Variants in TBCK observed in about 807,000 individuals in gnomAD.
TBCK encodes the protein TBC domain-containing protein kinase-like protein.
A neutral mutation model predicts 113.4 loss-of-function variants in TBCK; 99 were observed. That is an observed-to-expected ratio of 0.87 (90% CI 0.74 to 1.03). The LOEUF is 1.03. Ranked by LOEUF, TBCK falls within the 50% of genes least tolerant of loss-of-function variation. The probability of loss-of-function intolerance (pLI) is 0.00; values close to 1 mark genes in which losing one functional copy is unlikely to be tolerated. For synonymous variants in TBCK, 369 were observed against 370.8 expected, an observed-to-expected ratio of 1.00 and a Z score of 0.05; for missense variants, 1,045 against 1,061.3, an observed-to-expected ratio of 0.98 and a Z score of 0.21.
chr4:106,221,210 C>G (rs1757638576), intron 19 of TBCK, among the ~76,000 whole-genome samples: 1 of 152,140 alleles, frequency 6.6e-6, no homozygotes, highest in African/African-American at 2.4e-5. Flanking sequence ...GTCTCGAACT[C>G]CTGACCTCAG....
At chr4:106,257,093 A>T (rs1204865311) in intron 5 of TBCK, among the ~76,000 whole-genome samples, 1 of 152,200 alleles carries the variant, frequency 6.6e-6, no homozygotes, top group Non-Finnish European at 1.5e-5. Flanking sequence ...CTTACAAACA[A>T]CAATTTAAGA....
chr4:106,215,656 G>C (rs1756797425), intron 19 of TBCK, among the ~76,000 whole-genome samples: 1 of 152,158 alleles, frequency 6.6e-6, no homozygotes, highest in African/African-American at 2.4e-5. Flanking sequence ...AATTCAACAA[G>C]AAGAGCTAAC....
At chr4:106,055,612 G>A (rs905823414) in intron 25 of TBCK, among the ~76,000 whole-genome samples, 1 of 150,482 alleles carries the variant, frequency 6.6e-6, no homozygotes, top group Admixed American at 6.6e-5. Context: ...ATGTCAAAAT[G>A]GTCTTTTCCT....
chr4:106,149,537 A>G (rs918191970), intron 23 of TBCK, among the ~76,000 whole-genome samples: 8 of 152,152 alleles, frequency 5.3e-5, no homozygotes, highest in African/African-American at 1.9e-4. Context: ...AAAATGGAGG[A>G]ATGGCTGGTT....
chr4:106,256,079 G>C (rs1008228681), intron 5 of TBCK, among the ~76,000 whole-genome samples: 2 of 152,190 alleles, frequency 1.3e-5, no homozygotes, highest in Non-Finnish European at 2.9e-5. Flanking sequence ...GCTGAGTCCA[G>C]GGTTTTTATG....
At chr4:106,111,625 A>G (rs1459019259) in intron 24 of TBCK, among the ~76,000 whole-genome samples, 3 of 152,170 alleles carry the variant, frequency 2.0e-5, no homozygotes, top group African/African-American at 7.2e-5. Context: ...TTTACAGATG[A>G]TATTTTACTA....
At chr4:106,277,017 A>G (rs2125767806) in intron 3 of TBCK, among the ~76,000 whole-genome samples, 1 of 152,334 alleles carries the variant, frequency 6.6e-6, no homozygotes, top group East Asian at 1.9e-4. Context: ...ATGAGAAACA[A>G]TCCACTTAAA....
At chr4:106,291,745 A>G (rs1224221192) in intron 3 of TBCK, among the ~76,000 whole-genome samples, 1 of 152,226 alleles carries the variant, frequency 6.6e-6, no homozygotes, top group East Asian at 1.9e-4. Context: ...GCCTGCTGCT[A>G]AAGACATCTG....
intron 19 of TBCK, among the ~76,000 whole-genome samples, chr4:106,219,674 C>T (rs899956655): frequency 4.0e-5 from 6 of 151,808 alleles, no homozygotes; most frequent in African/African-American, 1.4e-4. Context: ...AATTAAAAAA[C>T]CAAGATTAAT....
Position 106,267,176 on chromosome 4 carries a change from A to G in TBCK, c.267-4964T>C, listed in dbSNP as rs187157490. Among the ~76,000 whole-genome samples the G allele has an allele frequency of 5.0e-3, 763 of 152,046 alleles. 4 individuals carry two copies. Among genetic ancestry groups the G allele is most frequent in the African/African-American group, 0.018 (733 of 41,542 alleles). On this transcript the variant is annotated intron_variant, in intron 3 of 25. Transcript: ENST00000394708. Reference sequence around the variant, plus strand: ...ATTTTTCAGTAATTATTGTTACTTCAGGGCCTGGGTGGCTAGCGTTTACTT... The same window carrying G: ...ATTTTTCAGTAATTATTGTTACTTCGGGGCCTGGGTGGCTAGCGTTTACTT...
At chr4:106,114,831 G>T (rs17036581) in intron 24 of TBCK, among the ~76,000 whole-genome samples, 8,147 of 152,278 alleles carry the variant, frequency 0.054, 490 homozygotes, top group East Asian at 0.28. Flanking sequence ...AACTCCTGAA[G>T]TATAAGATCA....
intron 23 of TBCK, among the ~76,000 whole-genome samples, chr4:106,158,590 G>T (rs886742367): frequency 1.3e-5 from 2 of 151,984 alleles, no homozygotes; most frequent in Non-Finnish European, 2.9e-5. Context: ...AGCTTACCAA[G>T]ACTAAAATCA....
upstream of TBCK, chr4:106,316,356 C>T (rs1225146992): frequency 1.2e-5 from 7 of 580,248 alleles, no homozygotes; most frequent in East Asian, 3.0e-5. Flanking sequence ...TGCGGGGGGA[C>T]GGGGGGGGTC....
At chr4:106,089,817 G>A (rs1463584419) in intron 25 of TBCK, among the ~76,000 whole-genome samples, 1 of 152,244 alleles carries the variant, frequency 6.6e-6, no homozygotes, top group Non-Finnish European at 1.5e-5. Flanking sequence ...GGTGTGAGAT[G>A]TAGGCTATGA....
intron 22 of TBCK, among the ~76,000 whole-genome samples, chr4:106,188,282 T>C (rs1447236139): frequency 2.6e-5 from 4 of 152,218 alleles, no homozygotes; most frequent in Admixed American, 1.3e-4. Context: ...ACATTCTTAT[T>C]GCAATATCTA....
At chr4:106,185,080 T>C (rs1261061139) in intron 22 of TBCK, among the ~76,000 whole-genome samples, 4 of 152,068 alleles carry the variant, frequency 2.6e-5, no homozygotes, top group Non-Finnish European at 5.9e-5. Flanking sequence ...GAGTCTTTGA[T>C]TTTTGTGGCA....
intron 24 of TBCK, among the ~76,000 whole-genome samples, chr4:106,104,071 G>C (rs1182852832): frequency 6.6e-6 from 1 of 152,202 alleles, no homozygotes; most frequent in African/African-American, 2.4e-5. Context: ...ATGAAGTCTT[G>C]GCAGAGCAAC....
chr4:106,120,948 G>T (rs1202224821), intron 23 of TBCK, among the ~76,000 whole-genome samples: 1 of 152,132 alleles, frequency 6.6e-6, no homozygotes, highest in Non-Finnish European at 1.5e-5. Flanking sequence ...CACCAGCAAC[G>T]GAACAAAGCT....
chr4:106,060,784 C>T (rs1286141183), intron 25 of TBCK, among the ~76,000 whole-genome samples: 1 of 151,690 alleles, frequency 6.6e-6, no homozygotes, highest in Non-Finnish European at 1.5e-5. Flanking sequence ...TGGAAATAAT[C>T]CACCATTCTA....
Sources: gnomAD v4.1 joint callset for allele counts (sites outside exome capture counted in the v4.1 genomes callset) on GRCh38, gnomAD v4.1.1 for gene constraint, MANE v1.5 for transcripts, NCBI Gene and HGNC (gene_info 2026-07-23, HGNC 2026-07-21) for gene names.